PAK1: variants seen among roughly 807,000 people sequenced by gnomAD.
The protein encoded by PAK1 is serine/threonine-protein kinase PAK 1.
Under a neutral mutation model 67.4 loss-of-function variants are expected in PAK1, and 29 were observed. That is an observed-to-expected ratio of 0.43 (90% CI 0.32 to 0.59). The LOEUF (loss-of-function observed/expected upper bound fraction) is 0.59, where lower values mean the gene tolerates loss of function less well. PAK1 is among the 20% of genes least tolerant of loss of function. The pLI, the probability that PAK1 is intolerant of heterozygous loss-of-function variation, is 0.07. For synonymous variants in PAK1, 223 were observed against 237.4 expected, an observed-to-expected ratio of 0.94 and a Z score of 0.56; for missense variants, 337 against 670.7, an observed-to-expected ratio of 0.50 and a Z score of 5.50.
chr11:77,505,589 G>A, the PAK1 span, among the ~76,000 whole-genome samples: 733 of 152,050 alleles, frequency 4.8e-3, 7 homozygotes, highest in African/African-American at 0.017. Flanking sequence ...CCTTGCCCTC[G>A]ATAACCACCA....
intron 1 of PAK1, among the ~76,000 whole-genome samples, chr11:77,451,614 T>A (rs1235622469): frequency 7.0e-6 from 1 of 142,674 alleles, no homozygotes; most frequent in Non-Finnish European, 1.5e-5. Context: ...TTTGTTTTTT[T>A]TTTGAGACGG....
At chr11:77,522,719 G>C in the PAK1 span, among the ~76,000 whole-genome samples, 1 of 152,036 alleles carries the variant, frequency 6.6e-6, no homozygotes, top group Non-Finnish European at 1.5e-5. Flanking sequence ...CCTATCACTG[G>C]ACATATATCC....
intron 14 of PAK1, among the ~76,000 whole-genome samples, chr11:77,325,782 G>A (rs1939672330): frequency 6.6e-6 from 1 of 152,206 alleles, no homozygotes; most frequent in Admixed American, 6.5e-5. Flanking sequence ...TAATAGGCCA[G>A]TATGCCATAA....
chr11:77,488,853 C>T, the PAK1 span, among the ~76,000 whole-genome samples: 6 of 151,850 alleles, frequency 4.0e-5, no homozygotes, highest in African/African-American at 1.5e-4. Context: ...AAAAGGAGGT[C>T]GAGAGAGAGA....
At chr11:77,377,294 G>T (rs192215362) in intron 4 of PAK1, among the ~76,000 whole-genome samples, 1 of 152,174 alleles carries the variant, frequency 6.6e-6, no homozygotes, top group African/African-American at 2.4e-5. Context: ...TACAAATGAG[G>T]TAGTATTATC....
chr11:77,510,127 C>A, the PAK1 span, among the ~76,000 whole-genome samples: 2 of 152,082 alleles, frequency 1.3e-5, no homozygotes, highest in East Asian at 1.9e-4. Context: ...GGTTGTTAAG[C>A]ATTATAGAAC....
At chr11:77,386,242 C>T (rs1031848652) in intron 2 of PAK1, among the ~76,000 whole-genome samples, 3 of 152,160 alleles carry the variant, frequency 2.0e-5, no homozygotes, top group Non-Finnish European at 4.4e-5. Flanking sequence ...TTTTAAGCAG[C>T]ACCTCTCATT....
chr11:77,326,157 T>C (rs752056838), intron 14 of PAK1, among the ~76,000 whole-genome samples: 2 of 152,214 alleles, frequency 1.3e-5, no homozygotes, highest in Non-Finnish European at 2.9e-5. Flanking sequence ...AAATTGTACT[T>C]GAAACATATA....
chr11:77,394,948 A>G (rs1397820586), intron 1 of PAK1, among the ~76,000 whole-genome samples: 1 of 152,162 alleles, frequency 6.6e-6, no homozygotes, highest in Non-Finnish European at 1.5e-5. Context: ...GACCAAATGC[A>G]CCAATTAGCC....
chr11:77,379,141 A>C, intron 4 of PAK1, 100 bp downstream of exon 4: 1 of 1,021,314 alleles, frequency 9.8e-7, no homozygotes, highest in South Asian at 1.8e-5. Flanking sequence ...CACTCTTTCC[A>C]CTACTTTCTT....
At chr11:77,524,453 T>C in the PAK1 span, among the ~76,000 whole-genome samples, 1 of 152,342 alleles carries the variant, frequency 6.6e-6, no homozygotes, top group African/African-American at 2.4e-5. Context: ...CTCTCTTCCC[T>C]ACCTGGACCG....
intron 5 of PAK1, among the ~76,000 whole-genome samples, chr11:77,370,313 C>CCT (rs10666667): frequency 0.39 from 58,870 of 151,792 alleles, 11,677 homozygotes; most frequent in South Asian, 0.52. Context: ...AACTCAGGTT[C>CCT]CTCTGTTTCT....
the PAK1 span, among the ~76,000 whole-genome samples, chr11:77,487,159 G>C: frequency 6.6e-6 from 1 of 151,908 alleles, no homozygotes; most frequent in Non-Finnish European, 1.5e-5. Context: ...GACCCCATTC[G>C]AGGCCCTAGC....
intron 1 of PAK1, among the ~76,000 whole-genome samples, chr11:77,471,891 A>G (rs1014100732): frequency 2.6e-5 from 4 of 152,202 alleles, no homozygotes; most frequent in Admixed American, 2.6e-4. Context: ...ATGCCCTGTT[A>G]TGGATGAGGC....
At chr11:77,439,065 C>T (rs1956247863) in intron 1 of PAK1, among the ~76,000 whole-genome samples, 1 of 152,104 alleles carries the variant, frequency 6.6e-6, no homozygotes, top group Non-Finnish European at 1.5e-5. Context: ...ATGTGAGAGG[C>T]CAGTGATTCG....
At chr11:77,448,902 G>A (rs1325376328) in intron 1 of PAK1, among the ~76,000 whole-genome samples, 1 of 152,236 alleles carries the variant, frequency 6.6e-6, no homozygotes, top group East Asian at 1.9e-4. Flanking sequence ...ATAAAGAATT[G>A]TCATGTGGAG....
At chr11:77,386,136 T>A (rs539011318) in intron 2 of PAK1, among the ~76,000 whole-genome samples, 1 of 152,182 alleles carries the variant, frequency 6.6e-6, no homozygotes, top group African/African-American at 2.4e-5. Context: ...GGCTTTCTGA[T>A]AGCATGGGAA....
intron 14 of PAK1, among the ~76,000 whole-genome samples, chr11:77,326,820 A>G (rs538889122): frequency 6.6e-6 from 1 of 152,368 alleles, no homozygotes; most frequent in East Asian, 1.9e-4. Context: ...AAGGCCTCAG[A>G]TGATCAGACT....
chr11:77,441,206 A>T (rs1956341299), intron 1 of PAK1, among the ~76,000 whole-genome samples: 1 of 130,736 alleles, frequency 7.6e-6, no homozygotes, highest in African/African-American at 4.2e-5. Flanking sequence ...TACCGTCTTA[A>T]AAAAAAAAAA....
Sources: allele counts gnomAD v4.1 joint callset (sites outside exome capture counted in the v4.1 genomes callset), GRCh38; gene constraint gnomAD v4.1.1; transcripts MANE v1.5; gene names NCBI Gene and HGNC (gene_info 2026-07-23, HGNC 2026-07-21).